RASGRF2: variants seen among roughly 807,000 people sequenced by gnomAD.
RASGRF2 encodes Ras protein specific guanine nucleotide releasing factor 2.
In RASGRF2, 76 loss-of-function variants were observed where a neutral mutation model predicts 151.0. The observed-to-expected ratio is 0.50, with a 90% CI of 0.42 to 0.61. The LOEUF is 0.61. RASGRF2 is among the 20% of genes least tolerant of loss of function. The pLI, the probability that RASGRF2 is intolerant of heterozygous loss-of-function variation, is 0.00. For synonymous variants in RASGRF2, 504 were observed against 566.5 expected (o/e 0.89, Z 1.57); for missense variants, 1,148 against 1,564.6 (o/e 0.73, Z 4.49).
chr5:81,022,769 T>C (rs1283744413), intron 1 of RASGRF2, among the ~76,000 whole-genome samples: 7 of 152,174 alleles, frequency 4.6e-5, no homozygotes, highest in East Asian at 1.9e-4. Context: ...TGGGCTGTAA[T>C]GGCAGCTGGG....
intron 1 of RASGRF2, among the ~76,000 whole-genome samples, chr5:81,005,280 G>A (rs561381935): frequency 5.3e-5 from 8 of 152,156 alleles, no homozygotes; most frequent in East Asian, 1.9e-4. Context: ...CAATCATGGC[G>A]GAAGGGGAAG....
chr5:81,109,925 A>G (rs1229554857), intron 13 of RASGRF2, among the ~76,000 whole-genome samples: 2 of 152,308 alleles, frequency 1.3e-5, no homozygotes, highest in South Asian at 2.1e-4. Flanking sequence ...CAACATATCT[A>G]TAGTACACTA....
chr5:81,024,687 G>C (rs1000922182), intron 1 of RASGRF2, among the ~76,000 whole-genome samples: 2 of 152,176 alleles, frequency 1.3e-5, no homozygotes, highest in Non-Finnish European at 2.9e-5. Flanking sequence ...TTTGGTTTTT[G>C]GTTTTCTTTT....
intron 11 of RASGRF2, 59 bp from the exon 12 acceptor site, chr5:81,094,797 G>T: frequency 6.7e-7 from 1 of 1,497,094 alleles, no homozygotes; most frequent in Non-Finnish European, 9.2e-7. Context: ...TGTGAAGGCA[G>T]CTATCACTCT....
intron 1 of RASGRF2, among the ~76,000 whole-genome samples, chr5:80,996,346 T>A (rs1428104915): frequency 5.9e-5 from 9 of 152,082 alleles, no homozygotes; most frequent in Non-Finnish European, 4.4e-5. Context: ...TTTATACGAC[T>A]CACTTTTGTT....
chr5:81,041,226 A>C (rs770661417), intron 1 of RASGRF2, among the ~76,000 whole-genome samples: 37 of 150,992 alleles, frequency 2.5e-4, no homozygotes, highest in Non-Finnish European at 4.1e-4. Context: ...CACTTGAACC[A>C]GGGAGACGGA....
chr5:81,211,146 GAAAAAA>G (rs34983763), intron 22 of RASGRF2, among the ~76,000 whole-genome samples: 1 of 126,430 alleles, frequency 7.9e-6, no homozygotes, highest in East Asian at 2.4e-4. Context: ...CCTGTCTCCA[GAAAAAA>G]AAAAAAAAAA....
chr5:81,074,847 A>G (rs1050969246), intron 5 of RASGRF2, among the ~76,000 whole-genome samples: 2 of 152,162 alleles, frequency 1.3e-5, no homozygotes, highest in East Asian at 1.9e-4. Context: ...TGCAGGGGAC[A>G]TGGGGCTTTC....
intron 1 of RASGRF2, among the ~76,000 whole-genome samples, chr5:80,974,749 A>G (rs1007484114): frequency 5.3e-5 from 8 of 152,148 alleles, no homozygotes; most frequent in Admixed American, 2.0e-4. Flanking sequence ...GTCTTTATGA[A>G]TCGGTTTTGA....
At chr5:81,026,126 C>G (rs1012535781) in intron 1 of RASGRF2, among the ~76,000 whole-genome samples, 2 of 144,118 alleles carry the variant, frequency 1.4e-5, no homozygotes, top group Non-Finnish European at 3.1e-5. Context: ...TCCTCTCTTT[C>G]CCTCCCTTTC....
intron 7 of RASGRF2, among the ~76,000 whole-genome samples, chr5:81,081,019 G>C (rs72635629): frequency 0.15 from 23,316 of 152,112 alleles, 2,223 homozygotes; most frequent in East Asian, 0.42. Context: ...AAGAATTCAA[G>C]AATGATTTTT....
rs1410987313 is a variant in RASGRF2 at position 80,989,187 on chromosome 5, T to G, written c.288+28161T>G. On this transcript the variant is annotated intron_variant, in intron 1 of 26. Transcript: ENST00000265080. Reference sequence around the variant, plus strand: ...GGTTTCTCCATGTTGGCCAGGCTGGTCTCGAACTCCTGGCCTCAAGTGATC... The same window carrying G: ...GGTTTCTCCATGTTGGCCAGGCTGGGCTCGAACTCCTGGCCTCAAGTGATC... 3.3e-5 allele frequency among the ~76,000 whole-genome samples: 5 copies of G among 152,098 alleles called. 1 individual carries two copies. Among genetic ancestry groups the G allele is most frequent in the Admixed American group, 1.3e-4 (2 of 15,276 alleles).
chr5:81,101,071 C>T (rs1030331760), intron 12 of RASGRF2, among the ~76,000 whole-genome samples: 2 of 152,122 alleles, frequency 1.3e-5, no homozygotes, highest in African/African-American at 4.8e-5. Flanking sequence ...CCATCCCAGC[C>T]GTTACAAACT....
chr5:81,110,780 C>A (rs1306824291), intron 13 of RASGRF2, among the ~76,000 whole-genome samples: 1 of 152,124 alleles, frequency 6.6e-6, no homozygotes, highest in Non-Finnish European at 1.5e-5. Context: ...TTTCTCAGAT[C>A]TTTTTACGAA....
chr5:81,216,433 C>G (rs1755742230), intron 24 of RASGRF2, among the ~76,000 whole-genome samples: 1 of 151,566 alleles, frequency 6.6e-6, no homozygotes, highest in South Asian at 2.1e-4. Flanking sequence ...TCTCCTGCAA[C>G]TGGTATTCTC....
intron 12 of RASGRF2, among the ~76,000 whole-genome samples, chr5:81,102,194 G>C (rs1752716166): frequency 6.6e-6 from 1 of 152,128 alleles, no homozygotes; most frequent in Non-Finnish European, 1.5e-5. Flanking sequence ...CTAGCTATTA[G>C]TTCCACATCC....
chr5:80,961,139 C>T, intron 1 of RASGRF2, 113 bp downstream of exon 1: 2 of 1,201,778 alleles, frequency 1.7e-6, no homozygotes, highest in Non-Finnish European at 2.2e-6. Context: ...GACTATGCTC[C>T]GAAATCCCCC....
intron 2 of RASGRF2, among the ~76,000 whole-genome samples, chr5:81,056,361 A>G (rs1751211424): frequency 6.6e-6 from 1 of 152,130 alleles, no homozygotes; most frequent in Non-Finnish European, 1.5e-5. Context: ...GAACATCTTT[A>G]TTTCTGCCTT....
At chr5:81,104,101 A>G (rs1329806699) in intron 12 of RASGRF2, among the ~76,000 whole-genome samples, 1 of 152,138 alleles carries the variant, frequency 6.6e-6, no homozygotes, top group East Asian at 1.9e-4. Context: ...TTACTTCCAG[A>G]GTAGAGAGAG....
Sources: gnomAD v4.1 joint callset for allele counts (sites outside exome capture counted in the v4.1 genomes callset) on GRCh38, gnomAD v4.1.1 for gene constraint, MANE v1.5 for transcripts, NCBI Gene and HGNC (gene_info 2026-07-23, HGNC 2026-07-21) for gene names.